Variants in LMO2 observed in about 807,000 individuals in gnomAD.
LMO2 encodes LIM domain only 2, also known as rhombotin-2.
In LMO2, 20 loss-of-function variants were observed where a neutral mutation model predicts 23.2. The ratio of observed to expected loss-of-function variants is 0.86; its 90% confidence interval spans 0.61 to 1.25. The LOEUF (loss-of-function observed/expected upper bound fraction) is 1.25. Ranked by LOEUF, LMO2 falls within the 50% of genes most tolerant of loss-of-function variation. LMO2 has a pLI of 0.00. For synonymous variants in LMO2, 123 were observed against 130.2 expected (o/e 0.94, Z 0.38); for missense variants, 270 against 315.3 (o/e 0.86, Z 1.09).
intron 1 of LMO2, among the ~76,000 whole-genome samples, chr11:33,890,644 G>A (rs1026567974): frequency 3.3e-5 from 5 of 152,178 alleles, no homozygotes. Context: ...TAGCCAATGT[G>A]CCCGGCCTGT....
intron 3 of LMO2, 48 bp downstream of exon 3, chr11:33,869,662 A>G (rs1243406626): frequency 3.2e-6 from 4 of 1,258,400 alleles, no homozygotes; most frequent in Non-Finnish European, 4.0e-6. Context: ...CGGGGCGCGC[A>G]GCCTGGCTCC....
At chr11:33,870,459 A>G (rs552319365) in intron 2 of LMO2, 3 of 985,478 alleles carry the variant, frequency 3.0e-6, no homozygotes, top group Non-Finnish European at 3.6e-6. Context: ...GCTGCGGGCT[A>G]CGGGCTGCGG....
intron 2 of LMO2, among the ~76,000 whole-genome samples, chr11:33,875,578 CA>C (rs71037312): frequency 0.02 from 2,338 of 115,102 alleles, 38 homozygotes; most frequent in African/African-American, 0.038. Flanking sequence ...AACTCCTTCT[CA>C]AAAAAAAAAA....
rs1857258898 is a variant in LMO2, at chr11:33,880,618, CT to C, written c.-272+1205del. The C allele has an allele frequency of 1.3e-5, 2 of 153,264 alleles. No homozygotes were observed. The highest frequency in any genetic ancestry group is 4.1e-4 in the South Asian group (2 of 4,892). The allele number at this position is 153,264 out of a possible 1,614,324, so 9.5% of individuals were successfully genotyped here. On this transcript the variant is annotated intron_variant, in intron 2 of 5. Coordinates refer to ENST00000257818, the MANE Select transcript of LMO2 (RefSeq NM_005574.4). This position sits in a 1 kb window ranked among gnomAD's most constrained non-coding sequence, Gnocchi z 4.3. ...ATGGTCACCCAACAATATTTATGTG[CT>C]TAATGCCACTGAACTGTACCCTTGG...
intron 5 of LMO2, among the ~76,000 whole-genome samples, chr11:33,860,847 C>T (rs1402638002): frequency 2.0e-5 from 3 of 152,180 alleles, no homozygotes; most frequent in African/African-American, 7.2e-5. Flanking sequence ...AACTGAGACA[C>T]CCTGGGGAGA....
intron 2 of LMO2, among the ~76,000 whole-genome samples, chr11:33,875,364 T>C (rs911023365): frequency 2.0e-4 from 30 of 152,116 alleles, no homozygotes; most frequent in African/African-American, 7.0e-4. Context: ...GATCACCTGA[T>C]GTCAGGAGTT....
Position 33,869,549 on chromosome 11 carries a change from G to T in LMO2, c.45C>A (p.Ser15Arg), listed in dbSNP as rs1205253964. ...GCTTGCTCCGGCGCTCCGCCGGCGA[G>T]CTCGCCCCTCCGCGCTCAAGGACAG... ...AVTVLERGGA[S>R]SPAERRSKRR... Residue 15 changes from serine to arginine, a missense_variant, in exon 4 of 6, where the codon AGC (serine) becomes AGA (arginine). Ser to Arg is a moderately radical substitution (Grantham distance 110, BLOSUM62 -1). This residue lies in a region of LMO2 where 170 missense variants were observed against 162.0 expected (regional missense o/e 1.05). Coordinates refer to ENST00000257818, the MANE Select transcript of LMO2 (RefSeq NM_005574.4). 1.5e-5 allele frequency: 19 copies of T among 1,283,636 alleles called. No individual in the cohort carries two copies. Among genetic ancestry groups the T allele is most frequent in the Admixed American group, 3.7e-5 (1 of 27,296 alleles). The allele number at this position is 1,283,636 out of a possible 1,614,324, so 79.5% of individuals were successfully genotyped here.
intron 2 of LMO2, among the ~76,000 whole-genome samples, chr11:33,876,207 A>G (rs1316811682): frequency 6.6e-6 from 1 of 152,050 alleles, no homozygotes; most frequent in African/African-American, 2.4e-5. Flanking sequence ...CATCCCCGTT[A>G]TCCTTCTTTG....
chr11:33,866,339 T>TG (rs1856781568), intron 4 of LMO2, among the ~76,000 whole-genome samples: 1 of 152,140 alleles, frequency 6.6e-6, no homozygotes, highest in East Asian at 1.9e-4. Flanking sequence ...TTAGTTTATC[T>TG]GGGGAAAAAA....
At chr11:33,890,050 A>G (rs1445243555) in intron 1 of LMO2, among the ~76,000 whole-genome samples, 1 of 152,256 alleles carries the variant, frequency 6.6e-6, no homozygotes, top group Non-Finnish European at 1.5e-5. Flanking sequence ...ACACTGAAAG[A>G]CAAATATCAC....
At chr11:33,865,878 A>G (rs957360665) in intron 4 of LMO2, among the ~76,000 whole-genome samples, 6 of 152,290 alleles carry the variant, frequency 3.9e-5, no homozygotes, top group Admixed American at 1.3e-4. Context: ...CATGGGACAC[A>G]GCAAACACTT....
At chr11:33,883,120 C>A (rs1277397971) in intron 1 of LMO2, among the ~76,000 whole-genome samples, 1 of 152,218 alleles carries the variant, frequency 6.6e-6, no homozygotes, top group Non-Finnish European at 1.5e-5. Context: ...TATTGTCTTT[C>A]TTCTCCACTA....
chr11:33,889,243 A>C (rs1312463296), intron 1 of LMO2, among the ~76,000 whole-genome samples: 1 of 152,156 alleles, frequency 6.6e-6, no homozygotes. Flanking sequence ...ATTTAAAAAT[A>C]AACAAGACAC....
In LMO2 at chr11:33,859,424, G is replaced by A. The variant is rs139575600; in HGVS notation, c.616C>T (p.Leu206Phe). ...KHFCVGDRYL[L>F]INSDIVCEQD... ...TCGCACACTATGTCAGAGTTGATGA[G>A]GAGGTATCTGTCACCTACACAGAAA... is the stretch of plus-strand genomic sequence containing the variant. The change falls in exon 6 of 6, where the codon CTC becomes TTC. Residue 206 changes from leucine (L) to phenylalanine (F), a missense_variant. Physicochemically the swap from Leu to Phe is conservative, Grantham distance 22 (BLOSUM62 0). Transcript: ENST00000257818. The A allele has an allele frequency of 6.2e-7, 1 of 1,614,122 alleles. No homozygotes were observed. Among genetic ancestry groups the A allele is most frequent in the Non-Finnish European group, 8.5e-7 (1 of 1,180,008 alleles).
At chr11:33,860,518 C>A (rs780761519) in intron 5 of LMO2, among the ~76,000 whole-genome samples, 1 of 152,156 alleles carries the variant, frequency 6.6e-6, no homozygotes, top group Non-Finnish European at 1.5e-5. Flanking sequence ...AATCCCAACA[C>A]TTTGGGAGGC....
chr11:33,861,959 G>A (rs778234516), intron 5 of LMO2, among the ~76,000 whole-genome samples: 6 of 152,136 alleles, frequency 3.9e-5, no homozygotes, highest in Non-Finnish European at 7.3e-5. Flanking sequence ...TCCAGCTCTG[G>A]GATTCGGAGA....
Position 33,859,163 on chromosome 11 carries a change from T to C in LMO2, c.*193A>G, listed in dbSNP as rs1035007454. 2.1e-5 allele frequency: 12 copies of C among 559,456 alleles called. No homozygotes were observed. The highest frequency in any genetic ancestry group is 1.9e-4 in the African/African-American group (10 of 53,194). 34.7% of individuals were successfully genotyped at this position (559,456 alleles called of 1,614,324 possible). A position where few individuals can be genotyped will look rare whatever the true frequency, so the allele number is the denominator to read the frequency against. ...TCTCCCTCAAGGGCTGGTCCTTCTG[T>C]CACCTTGAAGTGTCAGCCCCTGAAT... On this transcript the variant is annotated 3_prime_UTR_variant, in exon 6 of 6. Coordinates refer to ENST00000257818, the MANE Select transcript of LMO2 (RefSeq NM_005574.4).
chr11:33,883,783 A>C (rs1201103499), intron 1 of LMO2, among the ~76,000 whole-genome samples: 2 of 152,192 alleles, frequency 1.3e-5, no homozygotes, highest in Non-Finnish European at 2.9e-5. Context: ...GGGTGATGAA[A>C]CTGAGTCACA....
rs898350343 is a variant in LMO2, at chr11:33,859,459, C to G, written c.581G>C (p.Cys194Ser). The change falls in exon 6 of 6, where the codon TGT becomes TCT. Residue 194 changes from cysteine (C) to serine (S), a missense_variant. Physicochemically the swap from Cys to Ser is moderately radical, Grantham distance 112 (BLOSUM62 -1). This residue lies in a region of LMO2 where 100 missense variants were observed against 153.3 expected (regional missense o/e 0.65). Transcript: ENST00000257818. ...GTCACCTACACAGAAATGCTTCTGA[C>G]AGGCGGCGCATTTGAAACATTCCAG... is the stretch of plus-strand genomic sequence containing the variant. ...YHLECFKCAA[C>S]QKHFCVGDRY... 3.1e-6 allele frequency: 5 copies of G among 1,613,944 alleles called. No homozygotes were observed. The highest frequency in any genetic ancestry group is 4.2e-6 in the Non-Finnish European group (5 of 1,179,972).
Sources: allele counts gnomAD v4.1 joint callset (sites outside exome capture counted in the v4.1 genomes callset), GRCh38; gene constraint gnomAD v4.1.1; regional missense constraint gnomAD v4.1.1; non-coding constraint Gnocchi (gnomAD v3.1); transcripts MANE v1.5; gene names NCBI Gene and HGNC (gene_info 2026-07-23, HGNC 2026-07-21).